Variants in CEP350 observed in about 807,000 individuals in gnomAD.
CEP350 encodes the protein centrosomal protein 350, also known as centrosome-associated protein 350.
In CEP350, 126 loss-of-function variants were observed where a neutral mutation model predicts 331.8. The ratio of observed to expected loss-of-function variants is 0.38; its 90% CI spans 0.33 to 0.44. The LOEUF (loss-of-function observed/expected upper bound fraction) is 0.44, where lower values mean the gene tolerates loss of function less well. CEP350 is among the 20% of genes least tolerant of loss of function. The pLI is 1.00. For synonymous variants in CEP350, 1,200 were observed against 1,259.5 expected, an observed-to-expected ratio of 0.95 and a Z score of 1.00; for missense variants, 3,406 against 3,634.6, an observed-to-expected ratio of 0.94 and a Z score of 1.62.
rs747948180 is a variant in CEP350 at position 180,020,410 on chromosome 1, C to T, written c.2636C>T (p.Pro879Leu). The T allele has an allele frequency of 3.7e-6, 6 of 1,613,718 alleles. No individual in the cohort carries two copies. In the African/African-American group the frequency reaches 6.7e-5, roughly 18 times the overall value. Residue 879 changes from proline to leucine, a missense_variant, in exon 12 of 38, where the codon CCA becomes CTA. Around this residue, in one of 5 missense-constraint regions of CEP350, gnomAD observed 1,857 missense variants for 1,909.2 expected, o/e 0.97. Transcript: ENST00000367607. ...GGACCTTGGACCAAGGCTGTAACTC[C>T]ACCTGTGAAAGATGATAATGAAGAT... is the stretch of plus-strand genomic sequence containing the variant. ...EDGPWTKAVT[P>L]PVKDDNEDVF... is the part of the protein sequence containing the mutation.
At chr1:179,958,598 A>G (rs2148519328) in intron 1 of CEP350, among the ~76,000 whole-genome samples, 1 of 152,296 alleles carries the variant, frequency 6.6e-6, no homozygotes, top group Admixed American at 6.5e-5. Context: ...CTGGATTCAA[A>G]ACCTAACTGC....
intron 1 of CEP350, among the ~76,000 whole-genome samples, chr1:179,966,168 T>G (rs1050288356): frequency 3.3e-5 from 5 of 152,200 alleles, no homozygotes; most frequent in African/African-American, 9.7e-5. Flanking sequence ...GCAGATTTAA[T>G]TTTTCTTAAC....
rs907755856 is a variant in CEP350, at chr1:179,972,176, A to T, written c.-13-13993A>T. Reference sequence around the variant, plus strand: ...TAAGCAGTTTGATATGTGGGTTAGGATATTAGAGGTAAAATCTGATGTTTT... The same window carrying T: ...TAAGCAGTTTGATATGTGGGTTAGGTTATTAGAGGTAAAATCTGATGTTTT... On this transcript the variant is annotated intron_variant, in intron 1 of 37. Coordinates refer to ENST00000367607, the MANE Select transcript of CEP350 (RefSeq NM_014810.5). 2.0e-5 allele frequency among the ~76,000 whole-genome samples: 3 copies of T among 152,154 alleles called. No homozygotes were observed. In the South Asian group the frequency reaches 6.2e-4, roughly 31 times the overall value.
At chr1:179,961,588 A>T (rs1179021204) in intron 1 of CEP350, among the ~76,000 whole-genome samples, 1 of 152,198 alleles carries the variant, frequency 6.6e-6, no homozygotes, top group Non-Finnish European at 1.5e-5. Flanking sequence ...CTAACGGGTC[A>T]TGACTACACA....
chr1:180,102,883 G>A (rs1193654448), intron 37 of CEP350, among the ~76,000 whole-genome samples: 1 of 152,192 alleles, frequency 6.6e-6, no homozygotes, highest in Non-Finnish European at 1.5e-5. Context: ...TGTCTGCGGT[G>A]AATACCCAGG....
intron 6 of CEP350, among the ~76,000 whole-genome samples, chr1:180,001,776 A>G (rs555743265): frequency 2.0e-5 from 3 of 152,348 alleles, no homozygotes; most frequent in African/African-American, 7.2e-5. Flanking sequence ...CTTCAAAGAC[A>G]AGAAGAATAA....
chr1:180,075,295 A>C, intron 28 of CEP350, 74 bp downstream of exon 28: 1 of 1,413,704 alleles, frequency 7.1e-7, no homozygotes, highest in South Asian at 1.5e-5. Context: ...CATTACTTTT[A>C]AAAATGCGAG....
Position 180,022,788 on chromosome 1 carries a change from A to T in CEP350, c.3326A>T (p.Asp1109Val), listed in dbSNP as rs1207451189. 6.2e-7 allele frequency: 1 copy of T among 1,606,038 alleles called. No homozygotes were observed. The highest frequency in any genetic ancestry group is 1.7e-5 in the Admixed American group (1 of 58,750). Residue 1109 changes from aspartate to valine, a missense_variant, in exon 13 of 38, where the codon GAT becomes GTT. Asp to Val is a radical substitution (Grantham distance 152). Transcript: ENST00000367607. ...TPLSGVSYED[D>V]FVSSPGTGTS... The stretch of plus-strand genomic sequence containing the variant: ...CTAAGTGGTGTTTCATATGAAGATG[A>T]TTTTGTCTCCTCTCCAGGGACTGGG...
chr1:180,086,966 C>T (rs1473387495), intron 31 of CEP350, among the ~76,000 whole-genome samples: 1 of 152,086 alleles, frequency 6.6e-6, no homozygotes, highest in Non-Finnish European at 1.5e-5. Context: ...ATAGTGAGAG[C>T]TGTAAAAGTA....
At chr1:180,069,998 A>G (rs979637255) in intron 27 of CEP350, among the ~76,000 whole-genome samples, 1 of 152,236 alleles carries the variant, frequency 6.6e-6, no homozygotes, top group African/African-American at 2.4e-5. Context: ...CTTCAAGGTC[A>G]GTACAAATAG....
intron 1 of CEP350, 76 bp downstream of exon 1, chr1:179,955,218 C>G: frequency 8.5e-7 from 1 of 1,178,514 alleles, no homozygotes; most frequent in East Asian, 6.0e-5. Flanking sequence ...GGTCCCGGGT[C>G]CCCGGTGGCG....
intron 1 of CEP350, among the ~76,000 whole-genome samples, chr1:179,972,944 T>C (rs1346708871): frequency 1.3e-5 from 2 of 151,496 alleles, no homozygotes; most frequent in Non-Finnish European, 2.9e-5. Flanking sequence ...CTCGGCTCAC[T>C]GCAAGCTCCG....
At chr1:179,969,041 G>A (rs1651234484) in intron 1 of CEP350, 1 of 743,000 alleles carries the variant, frequency 1.3e-6, no homozygotes. Flanking sequence ...TCAAACTGAA[G>A]CATCTTAGGT....
intron 1 of CEP350, among the ~76,000 whole-genome samples, chr1:179,971,025 GTTGT>G (rs1380196609): frequency 1.0e-4 from 15 of 146,150 alleles, no homozygotes; most frequent in South Asian, 2.1e-4. Context: ...TTTTGTTGTT[GTTGT>G]TTGTTTTTTT....
Position 180,093,943 on chromosome 1 carries a change from A to G in CEP350, c.7838A>G (p.Tyr2613Cys), listed in dbSNP as rs1279002283. The change falls in exon 34 of 38, where the codon TAT (tyrosine) becomes TGT (cysteine). Residue 2613 changes from tyrosine to cysteine, a missense_variant. By Grantham distance (194) the Tyr-to-Cys change is radical. Coordinates refer to ENST00000367607, the MANE Select transcript of CEP350 (RefSeq NM_014810.5). ...GAAAAGGATGTCAGTGAATATTTTT[A>G]TGAGAAATCCCTACCTAGTGTGAAT... ...DREKDVSEYF[Y>C]EKSLPSVNDI... 1.2e-6 allele frequency: 2 copies of G among 1,613,882 alleles called. No individual in the cohort carries two copies. The highest frequency in any genetic ancestry group is 1.1e-5 in the South Asian group (1 of 91,076).
At chr1:180,056,459 T>TCC (rs1657846516) in intron 25 of CEP350, among the ~76,000 whole-genome samples, 1 of 108,622 alleles carries the variant, frequency 9.2e-6, no homozygotes, top group Non-Finnish European at 1.8e-5. Flanking sequence ...GTATTGCTTC[T>TCC]GCCCCTCCCC....
rs758639418 is a variant in CEP350 at position 180,020,411 on chromosome 1, A to G, written c.2637A>G (p.Pro879=). The G allele has an allele frequency of 6.2e-7, 1 of 1,613,866 alleles. No individual in the cohort carries two copies. Among genetic ancestry groups the G allele is most frequent in the African/African-American group, 1.3e-5 (1 of 75,040 alleles). The change falls in exon 12 of 38, where the codon CCA becomes CCG. Residue 879 remains proline (P), a synonymous_variant. Coordinates refer to ENST00000367607, the MANE Select transcript of CEP350 (RefSeq NM_014810.5). ...EDGPWTKAVT[P]PVKDDNEDVF... is the part of the protein sequence containing the mutation. ...GACCTTGGACCAAGGCTGTAACTCC[A>G]CCTGTGAAAGATGATAATGAAGATG...
intron 1 of CEP350, among the ~76,000 whole-genome samples, chr1:179,965,868 C>A (rs908642583): frequency 1.3e-5 from 2 of 151,990 alleles, no homozygotes; most frequent in African/African-American, 2.4e-5. Flanking sequence ...TCAGGTGATC[C>A]ACTTTCCTTG....
intron 6 of CEP350, among the ~76,000 whole-genome samples, chr1:179,998,994 A>T (rs1245302014): frequency 6.6e-6 from 1 of 152,108 alleles, no homozygotes; most frequent in African/African-American, 2.4e-5. Context: ...AATTTTTTCT[A>T]GTCATTCGTG....
Sources: gnomAD v4.1 joint callset for allele counts (sites outside exome capture counted in the v4.1 genomes callset) on GRCh38, gnomAD v4.1.1 for gene constraint, gnomAD v4.1.1 regional missense constraint, MANE v1.5 for transcripts, NCBI Gene and HGNC (gene_info 2026-07-23, HGNC 2026-07-21) for gene names.